CDSN: variants seen among roughly 807,000 people sequenced by gnomAD.
CDSN encodes corneodesmosin, also known as S protein.
In CDSN, 11 loss-of-function variants were observed where a neutral mutation model predicts 25.6. That is an observed-to-expected ratio of 0.43 (90% CI 0.27 to 0.71). CDSN has a LOEUF of 0.71. CDSN is among the 30% of genes least tolerant of loss of function. CDSN has a pLI of 0.20. For synonymous variants in CDSN, 266 were observed against 267.4 expected (o/e 0.99, Z 0.05); for missense variants, 598 against 670.9 (o/e 0.89, Z 1.20).
Position 31,117,162 on chromosome 6 carries a change from G to T in CDSN, c.453C>A (p.Ser151Arg), listed in dbSNP as rs1317262219. 1 of 1,606,244 alleles carries T rather than the reference G, an allele frequency of 6.2e-7. No homozygotes were observed. The highest frequency in any genetic ancestry group is 1.7e-5 in the Admixed American group (1 of 59,656). ...SGNSGSHSGS[S>R]SSHSSSSSSF... ...TGCTGCTGCTGCTCGAATGAGAGCT[G>T]CTGCTTCCCGAGTGAGAGCCGCTGT... is the stretch of plus-strand genomic sequence containing the variant. The change falls in exon 2 of 2, where the codon AGC (serine) becomes AGA (arginine). Residue 151 changes from serine (S) to arginine (R), a missense_variant. Physicochemically the swap from Ser to Arg is moderately radical, Grantham distance 110. Coordinates refer to ENST00000376288, the MANE Select transcript of CDSN (RefSeq NM_001264.5).
chr6:31,116,052 G>C lies in CDSN; in HGVS notation c.1563C>G (p.Pro521=), dbSNP rs766911427. The C allele has an allele frequency of 3.1e-6, 5 of 1,612,064 alleles. No homozygotes were observed. Among genetic ancestry groups the C allele is most frequent in the Non-Finnish European group, 4.2e-6 (5 of 1,179,874 alleles). The change falls in exon 2 of 2, where the codon CCC becomes CCG. Residue 521 remains proline, a synonymous_variant. Coordinates refer to ENST00000376288, the MANE Select transcript of CDSN (RefSeq NM_001264.5). ...PQLADPEVFL[P]QGELLNSP ...ATGGACTGTTGAGTAACTCTCCTTG[G>C]GGTAGGAAAACTTCAGGGTCAGCTA...
rs773400511 is a variant in CDSN, at chr6:31,116,590, C to T, written c.1025G>A (p.Gly342Glu). ...GSPGVPSFAA[G>E]PPISEGKYFS... ...GTATTTGCCCTCAGAGATGGGGGGCCCAGCTGCAAAGGAAGGGACCCCTGG... is the reference window on the plus strand; with the variant it reads ...GTATTTGCCCTCAGAGATGGGGGGCTCAGCTGCAAAGGAAGGGACCCCTGG... The change falls in exon 2 of 2, where the codon GGG becomes GAG. Residue 342 changes from glycine (G) to glutamate (E), a missense_variant. Gly to Glu is a moderately conservative substitution (Grantham distance 98). Transcript: ENST00000376288. The T allele has an allele frequency of 2.5e-6, 4 of 1,613,514 alleles. No individual in the cohort carries two copies. The African/African-American group carries it at 5.3e-5, about 22-fold the overall frequency.
rs1283418682 is a variant in CDSN, at chr6:31,116,727, G to A, written c.888C>T (p.Tyr296=). 7 of 1,612,742 alleles carry A rather than the reference G, an allele frequency of 4.3e-6. No homozygotes were observed. Among genetic ancestry groups the A allele is most frequent in the South Asian group, 1.1e-5 (1 of 91,090 alleles). Residue 296 remains tyrosine (Y), a synonymous_variant, in exon 2 of 2, where the codon TAC becomes TAT. Transcript: ENST00000376288. ...ITSVDKSYGG[Y]EVVGGSSDSY... is the part of the protein sequence containing the mutation. ...TGTCAGAGGAGCCACCCACCACCTC[G>A]TAGCCACCATAGGATTTGTCTACAG...
chr6:31,117,355 C>G lies in CDSN; in HGVS notation c.260G>C (p.Gly87Ala), dbSNP rs988239409. 3.8e-6 allele frequency: 6 copies of G among 1,577,446 alleles called. No homozygotes were observed. Among genetic ancestry groups the G allele is most frequent in the Non-Finnish European group, 5.2e-6 (6 of 1,161,350 alleles). The stretch of plus-strand genomic sequence containing the variant: ...GGATCCGCTGGAGCTACCACTGGAG[C>G]CACCACCAGAGCTTCTGGCACTGGA... The part of the protein sequence containing the change: ...SISSARSSGG[G>A]SSGSSSGSSI... Residue 87 changes from glycine to alanine, a missense_variant, in exon 2 of 2, where the codon GGC becomes GCC. Transcript: ENST00000376288.
At chr6:31,117,607 T>TG in intron 1 of CDSN, 78 bp from the exon 2 acceptor site, 2 of 1,233,338 alleles carry the variant, frequency 1.6e-6, no homozygotes, top group Non-Finnish European at 2.3e-6. Context: ...ATCTCAGTCA[T>TG]CGGCCTCTCG....
rs779387395 is a variant in CDSN at position 31,116,452 on chromosome 6, T to C, written c.1163A>G (p.Lys388Arg). 1 of 1,592,166 alleles carries C rather than the reference T, an allele frequency of 6.3e-7. No homozygotes were observed. Residue 388 changes from lysine to arginine, a missense_variant, in exon 2 of 2, where the codon AAG (lysine) becomes AGG (arginine). Coordinates refer to ENST00000376288, the MANE Select transcript of CDSN (RefSeq NM_001264.5). Reference sequence around the variant, plus strand: ...AGAACTGGAGGGAGAGCAGGGTCCCTTGGAGCCCGTGGAGCCGCCTCCACA... The same window carrying C: ...AGAACTGGAGGGAGAGCAGGGTCCCCTGGAGCCCGTGGAGCCGCCTCCACA... ...QLCGGGSTGS[K>R]GPCSPSSSRV...
rs2053590532 is a variant in CDSN, at chr6:31,116,692, A to T, written c.923T>A (p.Val308Asp). The change falls in exon 2 of 2, where the codon GTT becomes GAT. Residue 308 changes from valine to aspartate, a missense_variant. Coordinates refer to ENST00000376288, the MANE Select transcript of CDSN (RefSeq NM_001264.5). ...ACCCTTACTGTAGGTCATGCCTGGAACCAGATAACTGTCAGAGGAGCCACC... is the reference window on the plus strand; with the variant it reads ...ACCCTTACTGTAGGTCATGCCTGGATCCAGATAACTGTCAGAGGAGCCACC... ...VVGGSSDSYL[V>D]PGMTYSKGKI... 7 of 1,612,624 alleles carry T rather than the reference A, an allele frequency of 4.3e-6. No individual in the cohort carries two copies. The highest frequency in any genetic ancestry group is 5.9e-6 in the Non-Finnish European group (7 of 1,180,018).
rs374928892 is a variant in CDSN, at chr6:31,120,412, G to A, written c.8C>T (p.Ser3Leu). 1.8e-5 allele frequency: 28 copies of A among 1,586,172 alleles called. No homozygotes were observed. The highest frequency in any genetic ancestry group is 1.7e-4 in the African/African-American group (13 of 74,296). ...ACGCCCCATCCAGGGTGCCCGAGAC[G>A]AGCCCATCTCGGACTGCACGGCCTC... MG[S>L]SRAPWMGRVG... Residue 3 changes from serine (S) to leucine (L), a missense_variant, in exon 1 of 2, where the codon TCG becomes TTG. Ser to Leu is a moderately radical substitution (Grantham distance 145, BLOSUM62 -2). Transcript: ENST00000376288.
At chr6:31,117,696 T>G (rs1772242915) in intron 1 of CDSN, 167 bp from the exon 2 acceptor site, 2 of 641,164 alleles carry the variant, frequency 3.1e-6, no homozygotes, top group East Asian at 2.7e-5. Context: ...CTAAAGGATA[T>G]TGAGGTGGCC....
chr6:31,116,720 C>A lies in CDSN; in HGVS notation c.895G>T (p.Val299Leu). The A allele has an allele frequency of 6.2e-7, 1 of 1,612,838 alleles. No individual in the cohort carries two copies. The highest frequency in any genetic ancestry group is 8.5e-7 in the Non-Finnish European group (1 of 1,180,012). ...AGATAACTGTCAGAGGAGCCACCCA[C>A]CACCTCGTAGCCACCATAGGATTTG... ...VDKSYGGYEV[V>L]GGSSDSYLVP... Residue 299 changes from valine to leucine, a missense_variant, in exon 2 of 2, where the codon GTG (valine) becomes TTG (leucine). By Grantham distance (32) the Val-to-Leu change is conservative. Transcript: ENST00000376288.
Position 31,116,276 on chromosome 6 carries a change from G to C in CDSN, c.1339C>G (p.Pro447Ala). ...GAAGAGCTGGACTTGCTGCCACAAG[G>C]CTGAAGGATGATTTTGCCACTGGAT... The part of the protein sequence containing the change: ...SQSSGKIILQ[P>A]CGSKSSSSGH... Residue 447 changes from proline to alanine, a missense_variant, in exon 2 of 2, where the codon CCT (proline) becomes GCT (alanine). Coordinates refer to ENST00000376288, the MANE Select transcript of CDSN (RefSeq NM_001264.5). 6.2e-7 allele frequency: 1 copy of C among 1,614,150 alleles called. No homozygotes were observed. The highest frequency in any genetic ancestry group is 8.5e-7 in the Non-Finnish European group (1 of 1,180,014).
At chr6:31,117,616 C>T (rs1041649525) in intron 1 of CDSN, 87 bp from the exon 2 acceptor site, 8 of 1,150,256 alleles carry the variant, frequency 7.0e-6, no homozygotes, top group African/African-American at 4.6e-5. Context: ...ATCGGCCTCT[C>T]GGGTTTCTCC....
rs779410891 is a variant in CDSN at position 31,116,394 on chromosome 6, G to GCTGCTGGAAATGCTAGAA, written c.1203_1220dup (p.Ser403_Ser408dup). 2 of 1,601,228 alleles carry GCTGCTGGAAATGCTAGAA rather than the reference G, an allele frequency of 1.2e-6. No homozygotes were observed. Among genetic ancestry groups the GCTGCTGGAAATGCTAGAA allele is most frequent in the Admixed American group, 1.8e-5 (1 of 57,032 alleles). ...CGCAGGGATGGTAGGGTAAACCGGAGCTGCTGGAAATGCTAGAACTGCTGG... is the reference window on the plus strand; with the variant it reads ...CGCAGGGATGGTAGGGTAAACCGGAGCTGCTGGAAATGCTAGAACTGCTGGAAATGCTAGAACTGCTGG... On this transcript the variant is annotated inframe_insertion, in exon 2 of 2. Transcript: ENST00000376288.
rs1466018476 is a variant in CDSN at position 31,116,207 on chromosome 6, C to T, written c.1408G>A (p.Gly470Ser). Residue 470 changes from glycine (G) to serine (S), a missense_variant, in exon 2 of 2, where the codon GGC (glycine) becomes AGC (serine). Physicochemically the swap from Gly to Ser is moderately conservative, Grantham distance 56 (BLOSUM62 0). Coordinates refer to ENST00000376288, the MANE Select transcript of CDSN (RefSeq NM_001264.5). ...TCAGGATGGGGAGAGCCATCGGGGC[C>T]CCCAGTCAGTGTCAAGGAGGAGACA... ...MSVSSLTLTG[G>S]PDGSPHPDPS... is the part of the protein sequence containing the mutation. The T allele has an allele frequency of 6.2e-7, 1 of 1,613,724 alleles. No homozygotes were observed. The highest frequency in any genetic ancestry group is 2.2e-5 in the East Asian group (1 of 44,858).
Position 31,116,729 on chromosome 6 carries a change from A to C in CDSN, c.886T>G (p.Tyr296Asp). 6.2e-7 allele frequency: 1 copy of C among 1,612,920 alleles called. No individual in the cohort carries two copies. The highest frequency in any genetic ancestry group is 8.5e-7 in the Non-Finnish European group (1 of 1,180,018). ...ITSVDKSYGGYEVVGGSSDSY... is the reference protein window; with the variant it reads ...ITSVDKSYGGDEVVGGSSDSY... ...TCAGAGGAGCCACCCACCACCTCGT[A>C]GCCACCATAGGATTTGTCTACAGAG... The change falls in exon 2 of 2, where the codon TAC (tyrosine) becomes GAC (aspartate). Residue 296 changes from tyrosine (Y) to aspartate (D), a missense_variant. Tyr to Asp is a radical substitution (Grantham distance 160). Transcript: ENST00000376288.
intron 1 of CDSN, among the ~76,000 whole-genome samples, chr6:31,120,032 C>T (rs3130992): frequency 1.3e-5 from 2 of 151,894 alleles, no homozygotes; most frequent in Admixed American, 6.5e-5. Flanking sequence ...TCTTGTAGTG[C>T]TCCCATAATA....
intron 1 of CDSN, among the ~76,000 whole-genome samples, chr6:31,119,301 G>A (rs924221429): frequency 1.3e-5 from 2 of 152,092 alleles, no homozygotes; most frequent in Admixed American, 6.5e-5. Context: ...AACCCCAGCT[G>A]TGCCAATTCC....
In CDSN at chr6:31,117,171, C is replaced by A; in HGVS notation, c.444G>T (p.Ser148=). The A allele has an allele frequency of 6.2e-7, 1 of 1,611,658 alleles. No homozygotes were observed. Among genetic ancestry groups the A allele is most frequent in the South Asian group, 1.1e-5 (1 of 90,816 alleles). Residue 148 remains serine, a synonymous_variant, in exon 2 of 2, where the codon TCG becomes TCT. Coordinates refer to ENST00000376288, the MANE Select transcript of CDSN (RefSeq NM_001264.5). ...SSHSGNSGSH[S]GSSSSHSSSS... is the part of the protein sequence containing the mutation. ...TGCTCGAATGAGAGCTGCTGCTTCCCGAGTGAGAGCCGCTGTTTCCCGAGT... is the reference window on the plus strand; with the variant it reads ...TGCTCGAATGAGAGCTGCTGCTTCCAGAGTGAGAGCCGCTGTTTCCCGAGT...
At position 31,115,616 on chromosome 6, in the gene CDSN, G is replaced by A. The variant is rs1168052343; in HGVS notation, c.*409C>T. 4.6e-6 allele frequency: 1 copy of A among 215,480 alleles called. No individual in the cohort carries two copies. Among genetic ancestry groups the A allele is most frequent in the African/African-American group, 2.3e-5 (1 of 43,808 alleles). 13.3% of individuals were successfully genotyped at this position (215,480 alleles called of 1,614,324 possible). On this transcript the variant is annotated 3_prime_UTR_variant, in exon 2 of 2. Coordinates refer to ENST00000376288, the MANE Select transcript of CDSN (RefSeq NM_001264.5). The surrounding 1 kb of genome is among the most constrained non-coding windows in gnomAD (Gnocchi z 4.2). ...TGACTTTGCTTTATTTGGTAAAGGGGAAGAGGAAGGTATAACTTCTTCAGG... is the reference window on the plus strand; with the variant it reads ...TGACTTTGCTTTATTTGGTAAAGGGAAAGAGGAAGGTATAACTTCTTCAGG...
Sources: allele counts gnomAD v4.1 joint callset (sites outside exome capture counted in the v4.1 genomes callset), GRCh38; gene constraint gnomAD v4.1.1; non-coding constraint Gnocchi (gnomAD v3.1); transcripts MANE v1.5; gene names NCBI Gene and HGNC (gene_info 2026-07-23, HGNC 2026-07-21).